Variants in CORO7 observed in about 807,000 individuals in gnomAD.
CORO7 encodes coronin-7.
In CORO7, 107 loss-of-function variants were observed where a neutral mutation model predicts 126.6. The ratio of observed to expected loss-of-function variants is 0.85; its 90% CI spans 0.72 to 0.99. CORO7 has a LOEUF of 0.99. Among genes scored for constraint, CORO7 ranks in the 50% least tolerant of loss-of-function variants. CORO7 has a pLI of 0.00. For missense variants in CORO7, 1,314 were observed against 1,255.8 expected (o/e 1.05, Z -0.70); for synonymous variants, 603 against 536.8 (o/e 1.12, Z -1.70).
At chr16:4,390,921 A>G (rs2055364689) in intron 7 of CORO7, among the ~76,000 whole-genome samples, 1 of 152,212 alleles carries the variant, frequency 6.6e-6, no homozygotes. Context: ...TCCAGCAAAC[A>G]TCCTGGGCCA....
At chr16:4,373,471 C>CCT (rs2054605552) in intron 9 of CORO7, among the ~76,000 whole-genome samples, 1 of 152,094 alleles carries the variant, frequency 6.6e-6, no homozygotes, top group Non-Finnish European at 1.5e-5. Context: ...CCAGATGGCA[C>CCT]CTCTCTCTCC....
rs112498498 is a variant in CORO7, at chr16:4,365,085, C to T, written c.841-25G>A. 2,152 of 1,579,762 alleles carry T rather than the reference C, an allele frequency of 1.4e-3. 31 individuals carry two copies. The African/African-American group carries it at 0.026, about 19-fold the overall frequency. ...CCTGAAATGAGTCTGAACTGAGCCC[C>T]GTTTGCTGACTGAACCCCTGGGGAG... On this transcript the variant is annotated intron_variant, in intron 10 of 27. Coordinates refer to ENST00000251166, the MANE Select transcript of CORO7 (RefSeq NM_024535.5).
chr16:4,408,392 G>T, intron 3 of CORO7, 141 bp from the exon 4 acceptor site: 1 of 1,208,720 alleles, frequency 8.3e-7, no homozygotes. Flanking sequence ...TGGACACCAT[G>T]GGGGCAAATG....
intron 5 of CORO7, among the ~76,000 whole-genome samples, chr16:4,406,999 G>A (rs1223760856): frequency 3.3e-5 from 5 of 150,072 alleles, no homozygotes; most frequent in Non-Finnish European, 7.4e-5. Context: ...CCAGGCTGGA[G>A]CGCAGTGGTG....
intron 14 of CORO7, among the ~76,000 whole-genome samples, chr16:4,364,006 C>T (rs1055685719): frequency 2.0e-5 from 3 of 151,772 alleles, no homozygotes; most frequent in Non-Finnish European, 2.9e-5. Context: ...GCAATAAGAG[C>T]GAAACTCTGT....
chr16:4,382,414 C>G, intron 9 of CORO7: 1 of 1,611,656 alleles, frequency 6.2e-7, no homozygotes, highest in South Asian at 1.1e-5. Context: ...GACGCTGCGA[C>G]TGCCTGCCTC....
intron 25 of CORO7, chr16:4,357,634 G>A: frequency 2.8e-6 from 1 of 361,340 alleles, no homozygotes; most frequent in Non-Finnish European, 5.0e-6. Context: ...GGGATTACAG[G>A]CATGAGCCAC....
Position 4,395,335 on chromosome 16 carries a change from T to A in CORO7, c.569A>T (p.Lys190Met). 1 of 1,613,972 alleles carries A rather than the reference T, an allele frequency of 6.2e-7. No homozygotes were observed. Among genetic ancestry groups the A allele is most frequent in the African/African-American group, 1.3e-5 (1 of 75,036 alleles). Residue 190 changes from lysine (K) to methionine (M), a missense_variant, in exon 7 of 28, where the codon AAG becomes ATG. Physicochemically the swap from Lys to Met is moderately conservative, Grantham distance 95. Transcript: ENST00000251166. ...TCTGGGGTCAAAGATCCGCAGCTGC[T>A]TGTCCTGGAAAAGCAGAGAGGAGGA... is the stretch of plus-strand genomic sequence containing the variant. The part of the protein sequence containing the change: ...GALVGTACKD[K>M]QLRIFDPRTK...
chr16:4,407,444 C>T (rs533162237), intron 5 of CORO7, 57 bp downstream of exon 5: 34 of 1,527,314 alleles, frequency 2.2e-5, no homozygotes, highest in East Asian at 1.5e-4. Context: ...AACAAAGAAA[C>T]GGAGTGCTGT....
chr16:4,370,430 G>C (rs2141211759), intron 9 of CORO7, among the ~76,000 whole-genome samples: 1 of 152,350 alleles, frequency 6.6e-6, no homozygotes, highest in African/African-American at 2.4e-5. Context: ...TTCAATGCAA[G>C]CTGGGAAGCC....
At position 4,359,637 on chromosome 16, in the gene CORO7, G is replaced by C; in HGVS notation, c.2109-16C>G. 1 of 1,580,126 alleles carries C rather than the reference G, an allele frequency of 6.3e-7. No individual in the cohort carries two copies. The highest frequency in any genetic ancestry group is 2.2e-5 in the East Asian group (1 of 44,556). ...CTCACTTTGGCTGCAAGGGGGTTTG[G>C]GGGCTGAAGCAGGTGTTTCAGAGCT... On this transcript the variant is annotated splice_polypyrimidine_tract_variant and intron_variant, in intron 21 of 27. Transcript: ENST00000251166.
At chr16:4,403,089 C>G (rs372615735) in intron 6 of CORO7, among the ~76,000 whole-genome samples, 3 of 152,114 alleles carry the variant, frequency 2.0e-5, no homozygotes, top group African/African-American at 7.2e-5. Context: ...TCAGGCAGCC[C>G]GTGGCATGAG....
chr16:4,388,027 G>T lies in CORO7; in HGVS notation c.744C>A (p.Phe248Leu). The T allele has an allele frequency of 6.2e-7, 1 of 1,613,174 alleles. No homozygotes were observed. The highest frequency in any genetic ancestry group is 1.1e-5 in the South Asian group (1 of 91,074). ...REVKLWDTRF[F>L]SSALASLTLD... Reference sequence around the variant, plus strand: ...AGGTGAGGGAGGCCAGGGCGCTGGAGAAGAACCGCGTGTCCCACAGCTTCA... The same window carrying T: ...AGGTGAGGGAGGCCAGGGCGCTGGATAAGAACCGCGTGTCCCACAGCTTCA... The change falls in exon 9 of 28, where the codon TTC (phenylalanine) becomes TTA (leucine). Residue 248 changes from phenylalanine (F) to leucine (L), a missense_variant. Phe to Leu is a conservative substitution (Grantham distance 22). Transcript: ENST00000251166.
At position 4,416,325 on chromosome 16, in the gene CORO7, AG is replaced by A. The variant is rs59756887; in HGVS notation, c.60+133del. Reference sequence around the variant, plus strand: ...CCCGGACGCCGGGGCCCTGGCCTGAAGGGGGGTTCCCCGGGGATGGAGGTCT... The same window carrying A: ...CCCGGACGCCGGGGCCCTGGCCTGAAGGGGGTTCCCCGGGGATGGAGGTCT... On this transcript the variant is annotated intron_variant, in intron 1 of 27. Transcript: ENST00000251166. 5.1e-4 allele frequency: 649 copies of A among 1,272,506 alleles called. 2 individuals are homozygous for A. In the African/African-American group the frequency reaches 8.8e-3, roughly 17 times the overall value. The allele number at this position is 1,272,506 out of a possible 1,614,324, so 78.8% of individuals were successfully genotyped here. A position where few individuals can be genotyped will look rare whatever the true frequency, so the allele number is the denominator to read the frequency against.
rs777197229 is a variant in CORO7 at position 4,360,571 on chromosome 16, G to C, written c.1918-23C>G. 7 of 1,574,754 alleles carry C rather than the reference G, an allele frequency of 4.4e-6. No homozygotes were observed. The South Asian group carries it at 5.8e-5, about 13-fold the overall frequency. ...GATCTGGGGGCAGGAAGGGATATGA[G>C]AGACAGCCTTGCTTCACTGCTGGCC... On this transcript the variant is annotated intron_variant, in intron 19 of 27. Coordinates refer to ENST00000251166, the MANE Select transcript of CORO7 (RefSeq NM_024535.5).
At position 4,364,747 on chromosome 16, in the gene CORO7, C is replaced by T. The variant is rs374737088; in HGVS notation, c.1044+28G>A. 24 of 1,602,104 alleles carry T rather than the reference C, an allele frequency of 1.5e-5. No homozygotes were observed. The East Asian group carries it at 2.3e-4, about 15-fold the overall frequency. ...CCAGGCCCCCCGACTCCCCAGCCCC[C>T]GCAGTCCCTCGCCCAAGTCCCCCTC... On this transcript the variant is annotated intron_variant, in intron 12 of 27. Coordinates refer to ENST00000251166, the MANE Select transcript of CORO7 (RefSeq NM_024535.5).
At chr16:4,382,501 C>A in intron 9 of CORO7, 1 of 1,593,638 alleles carries the variant, frequency 6.3e-7, no homozygotes, top group Non-Finnish European at 8.5e-7. Context: ...GGGGCCCGGG[C>A]GGGTGCCGGA....
chr16:4,404,042 C>G (rs1053612632), intron 6 of CORO7, among the ~76,000 whole-genome samples: 6 of 152,184 alleles, frequency 3.9e-5, no homozygotes, highest in Non-Finnish European at 5.9e-5. Flanking sequence ...TCTCTCAGGA[C>G]TCTCTGCTCA....
intron 6 of CORO7, among the ~76,000 whole-genome samples, chr16:4,403,845 C>G (rs1404055464): frequency 6.6e-6 from 1 of 152,212 alleles, no homozygotes; most frequent in East Asian, 1.9e-4. Context: ...TGAGACTACC[C>G]AGGCCATCCC....
Sources: allele counts gnomAD v4.1 joint callset (sites outside exome capture counted in the v4.1 genomes callset), GRCh38; gene constraint gnomAD v4.1.1; transcripts MANE v1.5; gene names NCBI Gene and HGNC (gene_info 2026-07-23, HGNC 2026-07-21).